The following MARCHF3 variants were observed in gnomAD, a reference collection of about 807,000 sequenced individuals.
MARCHF3 encodes the protein E3 ubiquitin-protein ligase MARCHF3.
In MARCHF3, 13 loss-of-function variants were observed where a neutral mutation model predicts 24.2. That is an observed-to-expected ratio of 0.54 (90% CI 0.35 to 0.85). The LOEUF (loss-of-function observed/expected upper bound fraction) is 0.85. MARCHF3 is among the 40% of genes least tolerant of loss of function. The pLI, the probability that MARCHF3 is intolerant of heterozygous loss-of-function variation, is 0.01. For synonymous variants in MARCHF3, 144 were observed against 137.3 expected, an observed-to-expected ratio of 1.05 and a Z score of -0.34; for missense variants, 276 against 325.0, an observed-to-expected ratio of 0.85 and a Z score of 1.16.
At chr5:126,969,877 T>C (rs74333201) in intron 1 of MARCHF3, among the ~76,000 whole-genome samples, 1,683 of 152,260 alleles carry the variant, frequency 0.011, 35 homozygotes, top group African/African-American at 0.039. Flanking sequence ...CTACTTTAGA[T>C]ACATGGGCCA....
chr5:126,880,414 A>C (rs899600048), intron 3 of MARCHF3, among the ~76,000 whole-genome samples: 1 of 152,226 alleles, frequency 6.6e-6, no homozygotes, highest in Non-Finnish European at 1.5e-5. Flanking sequence ...AAATACCAAA[A>C]TAAGTGCAAA....
intron 1 of MARCHF3, among the ~76,000 whole-genome samples, chr5:126,972,596 T>C (rs1751055980): frequency 6.6e-6 from 1 of 152,118 alleles, no homozygotes; most frequent in South Asian, 2.1e-4. Context: ...TAATTGAGGG[T>C]CAGATTCCTC....
chr5:126,935,601 C>CT (rs202058243), intron 1 of MARCHF3, among the ~76,000 whole-genome samples: 19,457 of 70,594 alleles, frequency 0.28, 6,584 homozygotes, highest in Non-Finnish European at 0.38. Flanking sequence ...GTATATATGG[C>CT]TTTTTTTTTT....
chr5:126,878,512 G>C, intron 3 of MARCHF3, 118 bp from the exon 4 acceptor site: 2 of 913,126 alleles, frequency 2.2e-6, no homozygotes, highest in South Asian at 3.3e-5. Flanking sequence ...AGGCATTTCT[G>C]ACTTGTTATG....
intron 1 of MARCHF3, among the ~76,000 whole-genome samples, chr5:126,925,957 A>G (rs1412951499): frequency 6.6e-6 from 1 of 152,224 alleles, no homozygotes; most frequent in Non-Finnish European, 1.5e-5. Context: ...ATAATACAAG[A>G]GAAAAACATC....
intron 3 of MARCHF3, among the ~76,000 whole-genome samples, chr5:126,880,268 C>A (rs1753300683): frequency 6.6e-6 from 1 of 152,160 alleles, no homozygotes; most frequent in African/African-American, 2.4e-5. Flanking sequence ...CTTTCAGGGA[C>A]AAGCCACCTT....
intron 1 of MARCHF3, among the ~76,000 whole-genome samples, chr5:126,975,129 G>C (rs922946741): frequency 6.6e-6 from 1 of 152,082 alleles, no homozygotes; most frequent in African/African-American, 2.4e-5. Context: ...GCTAATTTTT[G>C]TATTTTTAGT....
chr5:127,006,729 G>A lies in MARCHF3; in HGVS notation c.-57+23621C>T, dbSNP rs549454883. ...TCAACAAGATACCAAACAAACTTCT[G>A]TGAGGTACAAAAGATTTTCATGGTC... On this transcript the variant is annotated intron_variant, in intron 1 of 4. Transcript: ENST00000308660. Among the ~76,000 whole-genome samples, 7 of 152,274 alleles carry A rather than the reference G, an allele frequency of 4.6e-5. No individual in the cohort carries two copies. The East Asian group carries it at 1.3e-3, about 29-fold the overall frequency.
intron 1 of MARCHF3, among the ~76,000 whole-genome samples, chr5:126,938,111 T>C (rs1024102540): frequency 1.3e-5 from 2 of 152,036 alleles, no homozygotes; most frequent in African/African-American, 4.8e-5. Context: ...GCAATCCACA[T>C]TTTATTAACT....
Position 126,983,741 on chromosome 5 carries a change from A to G in MARCHF3, c.-57+46609T>C, listed in dbSNP as rs1364886705. 2.6e-5 allele frequency among the ~76,000 whole-genome samples: 4 copies of G among 152,286 alleles called. No individual in the cohort carries two copies. The South Asian group carries it at 8.3e-4, about 32-fold the overall frequency. The stretch of plus-strand genomic sequence containing the variant: ...TCCCTCATCCCTGACACTTAACGGG[A>G]GGCAAATCAGAAGGAGCGCAGGATG... On this transcript the variant is annotated intron_variant, in intron 1 of 4. Transcript: ENST00000308660.
intron 4 of MARCHF3, among the ~76,000 whole-genome samples, chr5:126,875,765 C>T (rs1229754036): frequency 1.3e-5 from 2 of 152,128 alleles, no homozygotes; most frequent in African/African-American, 2.4e-5. Flanking sequence ...GCAGGGAAGC[C>T]GCAGGAAGGA....
At chr5:126,998,652 G>A (rs1752025097) in intron 1 of MARCHF3, among the ~76,000 whole-genome samples, 1 of 152,150 alleles carries the variant, frequency 6.6e-6, no homozygotes. Flanking sequence ...TAAGAAGGAG[G>A]CCACCTCATG....
chr5:126,872,309 C>T (rs1231125694), intron 4 of MARCHF3, among the ~76,000 whole-genome samples: 1 of 152,062 alleles, frequency 6.6e-6, no homozygotes, highest in Non-Finnish European at 1.5e-5. Flanking sequence ...ATCCACCCAC[C>T]TCTGCCTCCC....
intron 1 of MARCHF3, among the ~76,000 whole-genome samples, chr5:127,026,759 G>GA (rs1237784776): frequency 1.3e-5 from 2 of 152,056 alleles, no homozygotes; most frequent in African/African-American, 2.4e-5. Flanking sequence ...TAACAAAGTG[G>GA]AAAAAAATCA....
intron 1 of MARCHF3, among the ~76,000 whole-genome samples, chr5:127,022,575 C>T (rs1752843347): frequency 6.6e-6 from 1 of 152,176 alleles, no homozygotes; most frequent in South Asian, 2.1e-4. Flanking sequence ...ACAGGGAGAA[C>T]ATCTACTAGT....
chr5:126,911,037 T>G lies in MARCHF3; in HGVS notation c.393+3893A>C, dbSNP rs1043698841. 5.9e-5 allele frequency among the ~76,000 whole-genome samples: 9 copies of G among 152,338 alleles called. No individual in the cohort carries two copies. The South Asian group carries it at 1.0e-3, about 18-fold the overall frequency. The stretch of plus-strand genomic sequence containing the variant: ...AATAAGCCCCAGTCTCCTGTAGCAC[T>G]CCCAGGCTTATTAGGACGAGGAAAT... On this transcript the variant is annotated intron_variant, in intron 3 of 4. Transcript: ENST00000308660.
At chr5:126,965,056 C>T (rs1024802813) in intron 1 of MARCHF3, among the ~76,000 whole-genome samples, 7 of 150,906 alleles carry the variant, frequency 4.6e-5, no homozygotes, top group African/African-American at 1.7e-4. Context: ...AATTTACATC[C>T]TAGAACACTT....
chr5:126,940,425 A>G (rs1359655279), intron 1 of MARCHF3, among the ~76,000 whole-genome samples: 4 of 152,144 alleles, frequency 2.6e-5, no homozygotes, highest in African/African-American at 2.4e-5. Flanking sequence ...TTGCAGTGCA[A>G]CTGTATATAT....
intron 4 of MARCHF3, among the ~76,000 whole-genome samples, chr5:126,871,486 T>C (rs535081017): frequency 3.3e-5 from 5 of 152,338 alleles, no homozygotes; most frequent in Non-Finnish European, 7.3e-5. Flanking sequence ...CTTACCCACA[T>C]GGCACTGAGT....
Sources: allele counts gnomAD v4.1 joint callset (sites outside exome capture counted in the v4.1 genomes callset), GRCh38; gene constraint gnomAD v4.1.1; transcripts MANE v1.5; gene names NCBI Gene and HGNC (gene_info 2026-07-23, HGNC 2026-07-21).